GABRG3: variants seen among roughly 807,000 people sequenced by gnomAD.
GABRG3 encodes the protein gamma-aminobutyric acid type A receptor subunit gamma3, also known as gamma-aminobutyric acid receptor subunit gamma-3.
Under a neutral mutation model 48.8 loss-of-function variants are expected in GABRG3, and 25 were observed. The observed-to-expected ratio is 0.51, with a 90% CI of 0.37 to 0.72. The LOEUF (loss-of-function observed/expected upper bound fraction) is 0.72. Among genes scored for constraint, GABRG3 ranks in the 30% least tolerant of loss-of-function variants. The probability of loss-of-function intolerance (pLI) is 0.00; values close to 1 mark genes in which losing one functional copy is unlikely to be tolerated. For synonymous variants in GABRG3, 227 were observed against 217.6 expected (o/e 1.04, Z -0.38); for missense variants, 394 against 577.9 (o/e 0.68, Z 3.26).
intron 3 of GABRG3, among the ~76,000 whole-genome samples, chr15:27,037,243 C>T (rs1435662424): frequency 1.3e-5 from 2 of 152,222 alleles, no homozygotes; most frequent in Admixed American, 6.5e-5. Context: ...AGTGGTGCTG[C>T]ATTACCGTAG....
chr15:27,522,021 A>C (rs1327816467), intron 7 of GABRG3, among the ~76,000 whole-genome samples: 1 of 151,992 alleles, frequency 6.6e-6, no homozygotes, highest in African/African-American at 2.4e-5. Flanking sequence ...TACAAATTCA[A>C]ATAGCTTAGT....
intron 5 of GABRG3, among the ~76,000 whole-genome samples, chr15:27,359,635 A>G: frequency 6.6e-6 from 1 of 152,244 alleles, no homozygotes; most frequent in East Asian, 1.9e-4. Flanking sequence ...AAATAAAAAG[A>G]AAAGCACCTT....
At position 27,469,500 on chromosome 15, in the gene GABRG3, C is replaced by T. The variant is rs191880890; in HGVS notation, c.575-11150C>T. On this transcript the variant is annotated intron_variant, in intron 5 of 9. Coordinates refer to ENST00000615808, the MANE Select transcript of GABRG3 (RefSeq NM_033223.5). Reference sequence around the variant, plus strand: ...GGATTATAGGCGCCCACCACCACACCGGACTAATTTTTGTATTTTTAGTAG... The same window carrying T: ...GGATTATAGGCGCCCACCACCACACTGGACTAATTTTTGTATTTTTAGTAG... Among the ~76,000 whole-genome samples the T allele has an allele frequency of 1.9e-3, 285 of 152,108 alleles. 1 individual carries two copies. Among genetic ancestry groups the T allele is most frequent in the Non-Finnish European group, 3.2e-3 (219 of 67,980 alleles).
intron 6 of GABRG3, among the ~76,000 whole-genome samples, chr15:27,488,931 C>A (rs1890281360): frequency 6.6e-6 from 1 of 152,086 alleles, no homozygotes; most frequent in Non-Finnish European, 1.5e-5. Flanking sequence ...GCAGAACCTG[C>A]AGGTTTGTTA....
chr15:27,337,620 C>T (rs1336044191), intron 5 of GABRG3, among the ~76,000 whole-genome samples: 1 of 152,140 alleles, frequency 6.6e-6, no homozygotes, highest in African/African-American at 2.4e-5. Flanking sequence ...TGCACATCTT[C>T]AAAACCCTAG....
At chr15:27,397,884 A>G (rs1887359338) in intron 5 of GABRG3, among the ~76,000 whole-genome samples, 1 of 149,366 alleles carries the variant, frequency 6.7e-6, no homozygotes, top group African/African-American at 2.5e-5. Context: ...GGCTCACTGC[A>G]AGCTCCGCCT....
Position 27,188,232 on chromosome 15 carries a change from A to G in GABRG3, c.271-138577A>G, listed in dbSNP as rs931641979. Among the ~76,000 whole-genome samples the G allele has an allele frequency of 1.1e-4, 17 of 152,152 alleles. No individual in the cohort carries two copies. The East Asian group carries it at 1.4e-3, about 12-fold the overall frequency. Reference sequence around the variant, plus strand: ...TAGCAGCATGATTTATAGTCCTTTGAGTATATACCCAGTAATGGGATGGCT... The same window carrying G: ...TAGCAGCATGATTTATAGTCCTTTGGGTATATACCCAGTAATGGGATGGCT... On this transcript the variant is annotated intron_variant, in intron 3 of 9. Coordinates refer to ENST00000615808, the MANE Select transcript of GABRG3 (RefSeq NM_033223.5).
At chr15:27,127,644 C>G (rs1897844329) in intron 3 of GABRG3, among the ~76,000 whole-genome samples, 1 of 152,148 alleles carries the variant, frequency 6.6e-6, no homozygotes. Context: ...ACCTTTATAC[C>G]TGCATGGCCA....
chr15:27,486,117 G>A (rs537345416), intron 6 of GABRG3, among the ~76,000 whole-genome samples: 2 of 152,250 alleles, frequency 1.3e-5, no homozygotes, highest in South Asian at 2.1e-4. Context: ...GCATACTTAT[G>A]GCAAACTGAG....
chr15:26,984,407 G>A (rs907277781), intron 2 of GABRG3, among the ~76,000 whole-genome samples: 15 of 152,268 alleles, frequency 9.9e-5, no homozygotes, highest in African/African-American at 2.6e-4. Context: ...TTCATGTTGC[G>A]TGGAAGTAAC....
chr15:27,235,653 C>G (rs184974825), intron 3 of GABRG3, among the ~76,000 whole-genome samples: 7 of 152,070 alleles, frequency 4.6e-5, no homozygotes, highest in Admixed American at 4.6e-4. Context: ...TAAGAGAAAA[C>G]AAACAGAAGT....
Position 26,971,342 on chromosome 15 carries a change from C to T in GABRG3, c.-194C>T. On this transcript the variant is annotated 5_prime_UTR_variant, in exon 1 of 10. Transcript: ENST00000615808. The stretch of plus-strand genomic sequence containing the variant: ...GTGGGGGCGGCGCGCCGCGGTGGCC[C>T]GGCGTCCCGTGTGCGTCCAGTGTGC... 1 of 339,070 alleles carries T rather than the reference C, an allele frequency of 2.9e-6. No individual in the cohort carries two copies. 21.0% of individuals were successfully genotyped at this position (339,070 alleles called of 1,614,324 possible).
At chr15:27,129,757 G>T (rs1201992853) in intron 3 of GABRG3, among the ~76,000 whole-genome samples, 1 of 151,684 alleles carries the variant, frequency 6.6e-6, no homozygotes, top group African/African-American at 2.4e-5. Context: ...GTGTGAAGTG[G>T]TGTCTCATTG....
At chr15:27,147,638 A>G (rs1218364265) in intron 3 of GABRG3, among the ~76,000 whole-genome samples, 1 of 152,068 alleles carries the variant, frequency 6.6e-6, no homozygotes, top group Non-Finnish European at 1.5e-5. Flanking sequence ...CCCATTCAAA[A>G]TGGAATGAAA....
intron 6 of GABRG3, among the ~76,000 whole-genome samples, chr15:27,502,744 A>G (rs1447228430): frequency 6.6e-6 from 1 of 152,246 alleles, no homozygotes; most frequent in African/African-American, 2.4e-5. Flanking sequence ...AACTCAGGGA[A>G]ATACTTATTT....
chr15:27,490,755 G>A (rs781272290), intron 6 of GABRG3, among the ~76,000 whole-genome samples: 6 of 152,154 alleles, frequency 3.9e-5, no homozygotes, highest in Non-Finnish European at 8.8e-5. Flanking sequence ...CTCTTCGGAT[G>A]TTGCTCAGTT....
intron 9 of GABRG3, chr15:27,530,768 G>A (rs1215675678): frequency 4.3e-6 from 2 of 468,926 alleles, no homozygotes; most frequent in African/African-American, 4.0e-5. Context: ...CTTCTCCTCT[G>A]TGTCTCCGGT....
chr15:27,462,779 C>G (rs1169194296), intron 5 of GABRG3, among the ~76,000 whole-genome samples: 2 of 152,176 alleles, frequency 1.3e-5, no homozygotes, highest in African/African-American at 4.8e-5. Flanking sequence ...TATCCCAAAA[C>G]TGGCATACTA....
intron 3 of GABRG3, among the ~76,000 whole-genome samples, chr15:27,033,307 A>G (rs1344204591): frequency 2.0e-5 from 3 of 151,988 alleles, no homozygotes; most frequent in African/African-American, 4.8e-5. Flanking sequence ...GCTTCTTCAG[A>G]TGGATTTTTG....
Sources: gnomAD v4.1 joint callset for allele counts (sites outside exome capture counted in the v4.1 genomes callset) on GRCh38, gnomAD v4.1.1 for gene constraint, MANE v1.5 for transcripts, NCBI Gene and HGNC (gene_info 2026-07-23, HGNC 2026-07-21) for gene names.